The following RBMS1 variants were observed in gnomAD, a reference collection of about 807,000 sequenced individuals.
RBMS1 encodes the protein RNA binding motif single stranded interacting protein 1.
In RBMS1, 17 loss-of-function variants were observed where a neutral mutation model predicts 62.3. That is an observed-to-expected ratio of 0.27 (90% CI 0.19 to 0.41). The LOEUF (loss-of-function observed/expected upper bound fraction) is 0.41. Ranked by LOEUF, RBMS1 falls within the 10% of genes least tolerant of loss-of-function variation. The probability of loss-of-function intolerance (pLI) is 1.00; values close to 1 mark genes in which losing one functional copy is unlikely to be tolerated. For missense variants in RBMS1, 334 were observed against 504.5 expected (o/e 0.66, Z 3.24); for synonymous variants, 172 against 170.0 (o/e 1.01, Z -0.09).
At chr2:160,336,838 T>G (rs1051106053) in intron 2 of RBMS1, among the ~76,000 whole-genome samples, 4 of 152,322 alleles carry the variant, frequency 2.6e-5, no homozygotes, top group African/African-American at 9.6e-5. Context: ...GTTTATGGGC[T>G]GTTGCCTCTT....
At chr2:160,473,352 G>A (rs1027723896) in intron 1 of RBMS1, among the ~76,000 whole-genome samples, 18 of 152,172 alleles carry the variant, frequency 1.2e-4, no homozygotes, top group African/African-American at 4.1e-4. Context: ...ATCAACTGCT[G>A]TATTGAACAT....
intron 1 of RBMS1, among the ~76,000 whole-genome samples, chr2:160,465,430 A>AT (rs1193220972): frequency 6.6e-6 from 1 of 152,140 alleles, no homozygotes; most frequent in Non-Finnish European, 1.5e-5. Context: ...TTTTATTCAG[A>AT]TTTTTTGTTT....
At chr2:160,453,037 C>T (rs1217614401) in intron 1 of RBMS1, among the ~76,000 whole-genome samples, 1 of 152,112 alleles carries the variant, frequency 6.6e-6, no homozygotes, top group Non-Finnish European at 1.5e-5. Context: ...AAGCACTAAC[C>T]ACAGGGACAA....
At chr2:160,378,683 T>C (rs1694126365) in intron 1 of RBMS1, among the ~76,000 whole-genome samples, 1 of 151,812 alleles carries the variant, frequency 6.6e-6, no homozygotes, top group South Asian at 2.1e-4. Context: ...CAACTACCAA[T>C]TTAACCGGCT....
chr2:160,370,712 T>C (rs1400972230), intron 1 of RBMS1, among the ~76,000 whole-genome samples: 3 of 152,316 alleles, frequency 2.0e-5, no homozygotes, highest in South Asian at 4.1e-4. Flanking sequence ...CCCAAAACAC[T>C]TTCTATGTCC....
intron 2 of RBMS1, among the ~76,000 whole-genome samples, chr2:160,361,767 A>G (rs1401986906): frequency 6.6e-6 from 1 of 152,222 alleles, no homozygotes; most frequent in Non-Finnish European, 1.5e-5. Flanking sequence ...GCAGTGCACT[A>G]CAATCATGCT....
rs536189589 is a variant in RBMS1 at position 160,272,440 on chromosome 2, T to A, written c.*2332A>T. On this transcript the variant is annotated 3_prime_UTR_variant, in exon 14 of 14. Transcript: ENST00000348849. ...GTCTTTCTTCATAAATTAATTTTTT[T>A]ATAATTTAATGGCTGTCTACTATGT... 1.3e-5 allele frequency: 2 copies of A among 152,298 alleles called. No individual in the cohort carries two copies. Among genetic ancestry groups the A allele is most frequent in the East Asian group, 1.9e-4 (1 of 5,192 alleles). 9.4% of individuals were successfully genotyped at this position (152,298 alleles called of 1,614,324 possible). A position where few individuals can be genotyped will look rare whatever the true frequency, so the allele number is the denominator to read the frequency against.
intron 6 of RBMS1, among the ~76,000 whole-genome samples, chr2:160,295,872 A>G (rs1024024451): frequency 6.6e-5 from 10 of 152,228 alleles, no homozygotes; most frequent in Non-Finnish European, 1.0e-4. Flanking sequence ...CACCATCAAA[A>G]CAAAAGTGTC....
chr2:160,477,428 CAG>C (rs796477928), intron 1 of RBMS1, among the ~76,000 whole-genome samples: 65 of 152,260 alleles, frequency 4.3e-4, no homozygotes, highest in African/African-American at 1.5e-3. Context: ...CCCTAAGGGA[CAG>C]AGTCTCACTC....
intron 1 of RBMS1, among the ~76,000 whole-genome samples, chr2:160,422,817 T>C (rs181079672): frequency 1.3e-5 from 2 of 152,362 alleles, no homozygotes; most frequent in African/African-American, 2.4e-5. Flanking sequence ...CAAATCATAC[T>C]ATGCTAAAAA....
At position 160,493,539 on chromosome 2, in the gene RBMS1, CTCT is replaced by C. The variant is rs1268450646; in HGVS notation, c.-179_-177del. The C allele has an allele frequency of 2.1e-4, 125 of 599,312 alleles. No homozygotes were observed. Among genetic ancestry groups the C allele is most frequent in the African/African-American group, 1.1e-3 (55 of 49,172 alleles). The allele number at this position is 599,312 out of a possible 1,614,324, so 37.1% of individuals were successfully genotyped here. A position where few individuals can be genotyped will look rare whatever the true frequency, so the allele number is the denominator to read the frequency against. ...ACCAGACGTCCTCCTCCTCCTCCTC[CTCT>C]TCCTCCTCCTCCTCCTCCTCCTCCT... On this transcript the variant is annotated 5_prime_UTR_variant, in exon 1 of 14. Coordinates refer to ENST00000348849, the MANE Select transcript of RBMS1 (RefSeq NM_016836.4).
chr2:160,488,033 T>C (rs1685669248), intron 1 of RBMS1, among the ~76,000 whole-genome samples: 1 of 152,202 alleles, frequency 6.6e-6, no homozygotes, highest in African/African-American at 2.4e-5. Flanking sequence ...GCTTAGCTGT[T>C]ACCATCCTCT....
At chr2:160,317,761 A>G (rs1690306567) in intron 3 of RBMS1, among the ~76,000 whole-genome samples, 2 of 152,200 alleles carry the variant, frequency 1.3e-5, no homozygotes, top group African/African-American at 4.8e-5. Context: ...ATTCTAATTA[A>G]TAGAGCCAAT....
chr2:160,475,233 A>G (rs1685074125), intron 1 of RBMS1, among the ~76,000 whole-genome samples: 1 of 152,186 alleles, frequency 6.6e-6, no homozygotes, highest in South Asian at 2.1e-4. Context: ...ATTCAACAAA[A>G]TTTACTGATT....
At chr2:160,466,458 T>A (rs1324053864) in intron 1 of RBMS1, among the ~76,000 whole-genome samples, 1 of 152,180 alleles carries the variant, frequency 6.6e-6, no homozygotes, top group Non-Finnish European at 1.5e-5. Context: ...GATGTCAGGC[T>A]AATTTTAAGA....
At chr2:160,342,225 C>T (rs902705845) in intron 2 of RBMS1, among the ~76,000 whole-genome samples, 10 of 152,130 alleles carry the variant, frequency 6.6e-5, no homozygotes, top group African/African-American at 2.4e-4. Context: ...ATCTAAGCAG[C>T]TATTCACTTG....
chr2:160,346,801 C>CT (rs1262072048), intron 2 of RBMS1, among the ~76,000 whole-genome samples: 3 of 152,094 alleles, frequency 2.0e-5, no homozygotes, highest in African/African-American at 7.2e-5. Flanking sequence ...CCTCTAAACA[C>CT]TATAGAGTTA....
intron 4 of RBMS1, among the ~76,000 whole-genome samples, chr2:160,310,527 A>C (rs534187787): frequency 6.6e-6 from 1 of 152,240 alleles, no homozygotes; most frequent in Non-Finnish European, 1.5e-5. Flanking sequence ...GCATTCTACC[A>C]AACACATATC....
At chr2:160,376,245 C>T (rs1007526420) in intron 1 of RBMS1, among the ~76,000 whole-genome samples, 1 of 152,112 alleles carries the variant, frequency 6.6e-6, no homozygotes, top group African/African-American at 2.4e-5. Context: ...AAAAAAAATA[C>T]TCCCACAAAA....
Sources: allele counts gnomAD v4.1 joint callset (sites outside exome capture counted in the v4.1 genomes callset), GRCh38; gene constraint gnomAD v4.1.1; transcripts MANE v1.5; gene names NCBI Gene and HGNC (gene_info 2026-07-23, HGNC 2026-07-21).